ST3GAL1: variants seen among roughly 807,000 people sequenced by gnomAD.
The protein encoded by ST3GAL1 is CMP-N-acetylneuraminate-beta-galactosamide-alpha-2,3-sialyltransferase 1.
Under a neutral mutation model 34.1 loss-of-function variants are expected in ST3GAL1, and 16 were observed. The ratio of observed to expected loss-of-function variants is 0.47; its 90% CI spans 0.32 to 0.71. The LOEUF is 0.71. Among genes scored for constraint, ST3GAL1 ranks in the 30% least tolerant of loss-of-function variants. The pLI is 0.04. For synonymous variants in ST3GAL1, 191 were observed against 184.7 expected, an observed-to-expected ratio of 1.03 and a Z score of -0.28; for missense variants, 353 against 447.4, an observed-to-expected ratio of 0.79 and a Z score of 1.90.
chr8:133,497,580 C>A (rs1188051999), intron 3 of ST3GAL1, among the ~76,000 whole-genome samples: 1 of 149,150 alleles, frequency 6.7e-6, no homozygotes, highest in Non-Finnish European at 1.5e-5. Context: ...TCAAGCAATT[C>A]TCCTGCCTCA....
chr8:133,531,368 C>T (rs536828578), intron 2 of ST3GAL1, among the ~76,000 whole-genome samples: 1 of 152,076 alleles, frequency 6.6e-6, no homozygotes, highest in Non-Finnish European at 1.5e-5. Context: ...GATACATAAC[C>T]TGTATAGCGT....
intron 2 of ST3GAL1, among the ~76,000 whole-genome samples, chr8:133,542,280 G>A (rs1818557676): frequency 6.6e-6 from 1 of 152,328 alleles, no homozygotes; most frequent in East Asian, 1.9e-4. Flanking sequence ...ACTGAGGTGA[G>A]GAGAGTAGAA....
chr8:133,483,064 G>A (rs1254882315), intron 3 of ST3GAL1, among the ~76,000 whole-genome samples: 1 of 152,218 alleles, frequency 6.6e-6, no homozygotes, highest in African/African-American at 2.4e-5. Context: ...CACGCAGGCC[G>A]GGCATGGTGG....
chr8:133,557,420 C>G (rs1342714896), intron 1 of ST3GAL1, among the ~76,000 whole-genome samples: 1 of 152,052 alleles, frequency 6.6e-6, no homozygotes, highest in African/African-American at 2.4e-5. Context: ...CCTGAGCAGC[C>G]CAAGATGAGA....
rs958366545 is a variant in ST3GAL1, at chr8:133,461,893, T to C, written c.831A>G (p.Ser277=). 1 of 1,613,980 alleles carries C rather than the reference T, an allele frequency of 6.2e-7. No homozygotes were observed. Among genetic ancestry groups the C allele is most frequent in the Non-Finnish European group, 8.5e-7 (1 of 1,179,972 alleles). The part of the protein sequence containing the change: ...PSTGILSVIF[S]MHVCDEVDLY... ...GGCATACCTCATCGCAGACATGCAT[T>C]GAGAAGATGACCGAGAGGATGCCGG... Residue 277 remains serine (S), a synonymous_variant, in exon 9 of 10, where the codon TCA becomes TCG. Transcript: ENST00000522652. This position sits in a 1 kb window ranked among gnomAD's most constrained non-coding sequence, Gnocchi z 4.7.
At chr8:133,502,426 T>TTAA (rs112049850) in intron 2 of ST3GAL1, among the ~76,000 whole-genome samples, 16 of 140,650 alleles carry the variant, frequency 1.1e-4, no homozygotes, top group Admixed American at 1.0e-3. Flanking sequence ...GATGTCCTTA[T>TTAA]AAAAAAAAAA....
chr8:133,543,628 CT>C (rs1358845295), intron 2 of ST3GAL1, among the ~76,000 whole-genome samples: 3 of 151,676 alleles, frequency 2.0e-5, no homozygotes, highest in Non-Finnish European at 2.9e-5. Flanking sequence ...GAAACGAATG[CT>C]CTGGTTTCAT....
At chr8:133,559,098 G>A (rs1819144816) in intron 1 of ST3GAL1, among the ~76,000 whole-genome samples, 1 of 152,032 alleles carries the variant, frequency 6.6e-6, no homozygotes, top group Non-Finnish European at 1.5e-5. Context: ...GACAGGCTGT[G>A]GCCACCTGCG....
rs558015901 is a variant in ST3GAL1 at position 133,542,516 on chromosome 8, T to C, written c.-429+3258A>G. Among the ~76,000 whole-genome samples the C allele has an allele frequency of 9.8e-5, 15 of 152,328 alleles. No individual in the cohort carries two copies. The East Asian group carries it at 2.7e-3, about 27-fold the overall frequency. ...AGGGCTGGGCATGGTGGCTTACGCC[T>C]GTATTCCCAGAACTTTGGGAGGCCA... On this transcript the variant is annotated intron_variant, in intron 2 of 9. Transcript: ENST00000522652.
At chr8:133,566,836 T>C (rs957869102) in intron 1 of ST3GAL1, 13 of 152,192 alleles carry the variant, frequency 8.5e-5, no homozygotes, top group African/African-American at 3.1e-4. Context: ...TCTCATGGTG[T>C]AGGAACTTGC....
At chr8:133,517,475 A>G (rs1428102468) in intron 2 of ST3GAL1, among the ~76,000 whole-genome samples, 1 of 152,036 alleles carries the variant, frequency 6.6e-6, no homozygotes, top group Non-Finnish European at 1.5e-5. Context: ...TCAGCCTCCC[A>G]AGTAGCTGGG....
chr8:133,552,156 G>A (rs2131087973), intron 1 of ST3GAL1, among the ~76,000 whole-genome samples: 1 of 152,336 alleles, frequency 6.6e-6, no homozygotes, highest in South Asian at 2.1e-4. Context: ...CAGGGGGAGA[G>A]AGAACACAGG....
chr8:133,565,340 C>A (rs541080244), intron 1 of ST3GAL1, among the ~76,000 whole-genome samples: 6 of 152,232 alleles, frequency 3.9e-5, no homozygotes, highest in African/African-American at 1.2e-4. Flanking sequence ...AGCAAGGTTG[C>A]AGGGTTGATC....
intron 6 of ST3GAL1, among the ~76,000 whole-genome samples, chr8:133,465,248 A>G (rs757036291): frequency 2.0e-5 from 3 of 152,174 alleles, no homozygotes; most frequent in Non-Finnish European, 4.4e-5. Flanking sequence ...TTTGCAGTCA[A>G]GGAAACCTGA....
At chr8:133,487,094 C>T (rs768725897) in intron 3 of ST3GAL1, among the ~76,000 whole-genome samples, 5 of 152,128 alleles carry the variant, frequency 3.3e-5, no homozygotes, top group African/African-American at 7.2e-5. Context: ...CAGATGTGCA[C>T]CATGCCTGGT....
chr8:133,557,554 G>A (rs554221847), intron 1 of ST3GAL1, among the ~76,000 whole-genome samples: 27 of 152,132 alleles, frequency 1.8e-4, no homozygotes, highest in African/African-American at 4.3e-4. Context: ...CTGTCCTCTC[G>A]GCTGTAAAAT....
intron 5 of ST3GAL1, among the ~76,000 whole-genome samples, chr8:133,474,616 GC>G (rs1816096005): frequency 6.6e-6 from 1 of 151,994 alleles, no homozygotes; most frequent in Non-Finnish European, 1.5e-5. Context: ...CTGATTTACA[GC>G]CCCCCAGCCA....
At position 133,459,741 on chromosome 8, in the gene ST3GAL1, T is replaced by C; in HGVS notation, c.*23A>G. On this transcript the variant is annotated 3_prime_UTR_variant, in exon 10 of 10. Coordinates refer to ENST00000522652, the MANE Select transcript of ST3GAL1 (RefSeq NM_173344.3). The surrounding 1 kb of genome is among the most constrained non-coding windows in gnomAD (Gnocchi z 4.7). ...GGAAATGCAGAGGTGTGACAGTGCGTCCATCCTCAGCCCTTCACTGCGTCA... is the reference window on the plus strand; with the variant it reads ...GGAAATGCAGAGGTGTGACAGTGCGCCCATCCTCAGCCCTTCACTGCGTCA... 6.3e-7 allele frequency: 1 copy of C among 1,590,876 alleles called. No homozygotes were observed.
intron 9 of ST3GAL1, among the ~76,000 whole-genome samples, chr8:133,460,886 T>C (rs562026170): frequency 2.0e-5 from 3 of 151,884 alleles, no homozygotes; most frequent in African/African-American, 7.2e-5. Context: ...GGAAGATAGA[T>C]TGGAGGGGTG....
Sources: allele counts gnomAD v4.1 joint callset (sites outside exome capture counted in the v4.1 genomes callset), GRCh38; gene constraint gnomAD v4.1.1; non-coding constraint Gnocchi (gnomAD v3.1); transcripts MANE v1.5; gene names NCBI Gene and HGNC (gene_info 2026-07-23, HGNC 2026-07-21).